CPSF4L: variants seen among roughly 807,000 people sequenced by gnomAD.
CPSF4L encodes the protein putative cleavage and polyadenylation specificity factor subunit 4-like protein.
Under a neutral mutation model 24.0 loss-of-function variants are expected in CPSF4L, and 18 were observed. The observed-to-expected ratio is 0.75, with a 90% confidence interval of 0.52 to 1.11. The LOEUF (loss-of-function observed/expected upper bound fraction) is 1.11. Among genes scored for constraint, CPSF4L ranks in the 50% least tolerant of loss-of-function variants. The pLI is 0.00. For synonymous variants in CPSF4L, 72 were observed against 77.2 expected (o/e 0.93, Z 0.35); for missense variants, 211 against 221.8 (o/e 0.95, Z 0.31).
chr17:73,257,780 G>C lies in CPSF4L; in HGVS notation c.208C>G (p.His70Asp), dbSNP rs1486866006. Residue 70 changes from histidine (H) to aspartate (D), a missense_variant, in exon 3 of 6, where the codon CAC becomes GAC. By Grantham distance (81) the His-to-Asp change is moderately conservative. Coordinates refer to ENST00000344935, the MANE Select transcript of CPSF4L (RefSeq NM_001129885.1). ...TTCTTGCAGAGCCCCCGGAGCCAGT[G>C]CTTGCATACCACCATCTTCTCCCCT... is the stretch of plus-strand genomic sequence containing the variant. ...DRGEKMVVCK[H>D]WLRGLCKKGD... is the part of the protein sequence containing the mutation. 2.6e-6 allele frequency: 4 copies of C among 1,551,536 alleles called. No homozygotes were observed. Among genetic ancestry groups the C allele is most frequent in the Admixed American group, 3.9e-5 (2 of 50,970 alleles).
the CPSF4L span, chr17:73,242,862 G>A: frequency 3.2e-5 from 50 of 1,567,746 alleles, no homozygotes; most frequent in East Asian, 5.6e-4. Context: ...AGTTTCAGTT[G>A]CTGTAACAAC....
chr17:73,256,865 A>G (rs370029132), intron 3 of CPSF4L, among the ~76,000 whole-genome samples: 2 of 152,108 alleles, frequency 1.3e-5, no homozygotes, highest in African/African-American at 4.8e-5. Flanking sequence ...CGTCTCTACT[A>G]AAAATATAAA....
chr17:73,247,159 A>C (rs1599404773), downstream of CPSF4L: 1 of 1,271,492 alleles, frequency 7.9e-7, no homozygotes. Context: ...GCTGTTTCAC[A>C]CAACAACAGC....
intron 2 of CPSF4L, among the ~76,000 whole-genome samples, chr17:73,258,289 C>T (rs967346398): frequency 1.3e-5 from 2 of 152,010 alleles, no homozygotes; most frequent in African/African-American, 2.4e-5. Flanking sequence ...GGATTACAGG[C>T]GTGAGCCACC....
chr17:73,247,157 A>G (rs1309814296), downstream of CPSF4L: 2 of 1,243,492 alleles, frequency 1.6e-6, no homozygotes, highest in Non-Finnish European at 2.3e-6. Context: ...TGGCTGTTTC[A>G]CACAACAACA....
At chr17:73,247,970 T>TCCTTCAAGAATCTCTTC (rs1260075322), downstream of CPSF4L, 1 of 154,058 alleles carries the variant, frequency 6.5e-6, no homozygotes. Flanking sequence ...TTTTCTCAAG[T>TCCTTCAAGAATCTCTTC]CCTTCAAGAA....
chr17:73,260,152 G>A (rs138443398), intron 2 of CPSF4L, among the ~76,000 whole-genome samples: 2 of 152,066 alleles, frequency 1.3e-5, no homozygotes, highest in African/African-American at 4.8e-5. Context: ...CAGGGCATAG[G>A]GAATGGATGA....
At chr17:73,243,164 A>AT in the CPSF4L span, 1 of 657,984 alleles carries the variant, frequency 1.5e-6, no homozygotes, top group Admixed American at 2.4e-5. Context: ...TCTGGGTTTT[A>AT]TTTTTTTGAG....
At position 73,253,950 on chromosome 17, in the gene CPSF4L, G is replaced by T; in HGVS notation, c.384C>A (p.Asp128Glu). The T allele has an allele frequency of 6.4e-7, 1 of 1,551,494 alleles. No homozygotes were observed. The highest frequency in any genetic ancestry group is 8.7e-7 in the Non-Finnish European group (1 of 1,146,844). The change falls in exon 4 of 6, where the codon GAC becomes GAA. Residue 128 changes from aspartate to glutamate, a missense_variant. Transcript: ENST00000344935. ...CCTCACCGTCCTTGCAGAAACCTTG[G>T]TCATACCAAGGACAGTCCTGGGACT... is the stretch of plus-strand genomic sequence containing the variant. ...AFKSQDCPWY[D>E]QGFCKDGPLC...
At chr17:73,259,604 G>C (rs1011112751) in intron 2 of CPSF4L, among the ~76,000 whole-genome samples, 4 of 152,016 alleles carry the variant, frequency 2.6e-5, no homozygotes, top group Non-Finnish European at 1.5e-5. Context: ...CTGCTCTAGG[G>C]ACTGGTTGGG....
At chr17:73,245,693 A>G (rs2061940616), downstream of CPSF4L, 4 of 985,338 alleles carry the variant, frequency 4.1e-6, no homozygotes, top group South Asian at 1.9e-4. Context: ...GGTGTGAGAA[A>G]CACAAGAGCT....
downstream of CPSF4L, chr17:73,248,327 C>T (rs1191849790): frequency 9.1e-6 from 6 of 656,256 alleles, no homozygotes; most frequent in African/African-American, 3.6e-5. Flanking sequence ...AACTACTCAT[C>T]TCTTCACAGA....
chr17:73,247,369 C>A (rs56767859), downstream of CPSF4L: 28 of 1,609,740 alleles, frequency 1.7e-5, no homozygotes, highest in Non-Finnish European at 2.3e-5. Flanking sequence ...GAGAAGCCTT[C>A]GTGACTTCTC....
intron 5 of CPSF4L, chr17:73,251,004 A>G (rs2062003630): frequency 6.5e-7 from 1 of 1,547,988 alleles, no homozygotes; most frequent in Admixed American, 2.0e-5. Context: ...TTGACCCCTG[A>G]TCCCCAGGCA....
chr17:73,250,116 T>C, intron 5 of CPSF4L: 2 of 754,080 alleles, frequency 2.7e-6, no homozygotes, highest in Middle Eastern at 2.5e-4. Flanking sequence ...TAAACCTGCC[T>C]GCCACAGGCT....
chr17:73,251,085 CG>C, intron 5 of CPSF4L: 2 of 1,547,366 alleles, frequency 1.3e-6, no homozygotes, highest in Non-Finnish European at 8.7e-7. Context: ...TGCTGAATCC[CG>C]GGGCCGGCTG....
At chr17:73,260,097 G>A (rs540002570) in intron 2 of CPSF4L, among the ~76,000 whole-genome samples, 5 of 152,150 alleles carry the variant, frequency 3.3e-5, no homozygotes, top group Non-Finnish European at 7.4e-5. Flanking sequence ...GAGAAGTGGA[G>A]GATGCTTTTT....
chr17:73,246,660 C>G (rs1240228998), downstream of CPSF4L, among the ~76,000 whole-genome samples: 1 of 152,192 alleles, frequency 6.6e-6, no homozygotes, highest in Admixed American at 6.5e-5. Context: ...ATTCCCAATC[C>G]CCTGCTCCTT....
intron 5 of CPSF4L, among the ~76,000 whole-genome samples, chr17:73,249,346 C>G (rs933996415): frequency 2.0e-5 from 3 of 152,222 alleles, no homozygotes; most frequent in African/African-American, 7.2e-5. Context: ...TAGTTTCAAA[C>G]AGTCCTGTGG....
Sources: allele counts gnomAD v4.1 joint callset (sites outside exome capture counted in the v4.1 genomes callset), GRCh38; gene constraint gnomAD v4.1.1; transcripts MANE v1.5; gene names NCBI Gene and HGNC (gene_info 2026-07-23, HGNC 2026-07-21).